KAT6B: variants seen among roughly 807,000 people sequenced by gnomAD.
KAT6B encodes the protein histone acetyltransferase KAT6B.
A neutral mutation model predicts 187.5 loss-of-function variants in KAT6B; 10 were observed. The observed-to-expected ratio is 0.05, with a 90% confidence interval of 0.03 to 0.09. The LOEUF is 0.09. Ranked by LOEUF, KAT6B falls within the 10% of genes least tolerant of loss-of-function variation. The pLI, the probability that KAT6B is intolerant of heterozygous loss-of-function variation, is 1.00. For synonymous variants in KAT6B, 861 were observed against 926.8 expected, an observed-to-expected ratio of 0.93 and a Z score of 1.29; for missense variants, 1,952 against 2,558.9, an observed-to-expected ratio of 0.76 and a Z score of 5.12.
chr10:74,940,033 G>A (rs1231508886), intron 3 of KAT6B, among the ~76,000 whole-genome samples: 7 of 152,124 alleles, frequency 4.6e-5, no homozygotes, highest in Non-Finnish European at 2.9e-5. Context: ...TTGTGTGTGT[G>A]TGTCGGGGCT....
chr10:74,880,328 G>A (rs1844756053), intron 3 of KAT6B, among the ~76,000 whole-genome samples: 1 of 152,198 alleles, frequency 6.6e-6, no homozygotes, highest in East Asian at 1.9e-4. Flanking sequence ...CCTATGGTAT[G>A]TGGCCTTTTT....
At chr10:74,856,063 A>G (rs1387668627) in intron 3 of KAT6B, among the ~76,000 whole-genome samples, 1 of 152,154 alleles carries the variant, frequency 6.6e-6, no homozygotes, top group African/African-American at 2.4e-5. Context: ...ATATTTCCCC[A>G]AATGGCCCCA....
intron 3 of KAT6B, among the ~76,000 whole-genome samples, chr10:74,947,838 A>T (rs1221858621): frequency 3.9e-5 from 6 of 152,176 alleles, no homozygotes; most frequent in Non-Finnish European, 7.3e-5. Flanking sequence ...ATTAGTATGC[A>T]GGGAGGGGCT....
chr10:75,005,832 C>T (rs763131999), intron 13 of KAT6B, among the ~76,000 whole-genome samples: 8 of 151,948 alleles, frequency 5.3e-5, no homozygotes, highest in Admixed American at 2.0e-4. Context: ...CATAGAGGAA[C>T]GCTTTTTTTC....
intron 3 of KAT6B, among the ~76,000 whole-genome samples, chr10:74,918,373 C>T (rs543047291): frequency 5.9e-5 from 9 of 152,290 alleles, no homozygotes; most frequent in South Asian, 2.1e-4. Flanking sequence ...CAAATGTTAA[C>T]TGCCTAGCAT....
chr10:74,863,463 TAG>T (rs1401154177), intron 3 of KAT6B, among the ~76,000 whole-genome samples: 1 of 152,240 alleles, frequency 6.6e-6, no homozygotes, highest in Non-Finnish European at 1.5e-5. Context: ...TCCCATAGAA[TAG>T]ATTACTAAAG....
intron 12 of KAT6B, among the ~76,000 whole-genome samples, chr10:74,985,909 G>A (rs1352977659): frequency 6.6e-6 from 1 of 152,120 alleles, no homozygotes; most frequent in African/African-American, 2.4e-5. Flanking sequence ...AGCTGGGCCT[G>A]GTGGTGCACG....
intron 13 of KAT6B, among the ~76,000 whole-genome samples, chr10:75,019,875 A>G (rs926458685): frequency 1.3e-5 from 2 of 151,896 alleles, no homozygotes; most frequent in African/African-American, 4.8e-5. Context: ...CTGAGCATAC[A>G]TGCAATAGGT....
rs1173365750 is a variant in KAT6B at position 74,977,351 on chromosome 10, G to A, written c.2029G>A (p.Ala677Thr). 2.5e-6 allele frequency: 4 copies of A among 1,613,404 alleles called. No homozygotes were observed. The highest frequency in any genetic ancestry group is 2.5e-6 in the Non-Finnish European group (3 of 1,179,534). The change falls in exon 9 of 18, where the codon GCA (alanine) becomes ACA (threonine). Residue 677 changes from alanine (A) to threonine (T), a missense_variant. Transcript: ENST00000287239. ...AAAAATAAACATCAAACAAGAAAGT[G>A]CAGATGTAAATGTGATTGGAAACAA... ...EIKINIKQESADVNVIGNKDV... is the reference protein window; with the variant it reads ...EIKINIKQESTDVNVIGNKDV...
At chr10:74,994,496 A>G (rs1408186155) in intron 13 of KAT6B, among the ~76,000 whole-genome samples, 4 of 152,130 alleles carry the variant, frequency 2.6e-5, no homozygotes, top group Non-Finnish European at 5.9e-5. Flanking sequence ...AGGAACCAGG[A>G]TCTGGGCTGG....
chr10:74,870,343 A>G (rs1247410725), intron 3 of KAT6B, among the ~76,000 whole-genome samples: 1 of 152,230 alleles, frequency 6.6e-6, no homozygotes, highest in Non-Finnish European at 1.5e-5. Flanking sequence ...TGAGACCTAT[A>G]TTGAAGGGCC....
chr10:74,833,185 T>G (rs1323283999), intron 1 of KAT6B, among the ~76,000 whole-genome samples: 1 of 151,498 alleles, frequency 6.6e-6, no homozygotes. Context: ...TAATACATTA[T>G]TCTCGGTCTT....
At chr10:74,903,303 T>C (rs1399815497) in intron 3 of KAT6B, among the ~76,000 whole-genome samples, 2 of 152,324 alleles carry the variant, frequency 1.3e-5, no homozygotes, top group African/African-American at 2.4e-5. Flanking sequence ...GTTTGAGATA[T>C]CACCCATGAT....
At chr10:74,871,377 G>A (rs1157021004) in intron 3 of KAT6B, among the ~76,000 whole-genome samples, 1 of 151,570 alleles carries the variant, frequency 6.6e-6, no homozygotes, top group Non-Finnish European at 1.5e-5. Flanking sequence ...ATTTTTAGTA[G>A]AGATGGGGTT....
At chr10:74,871,466 T>C (rs563428185) in intron 3 of KAT6B, among the ~76,000 whole-genome samples, 2 of 151,626 alleles carry the variant, frequency 1.3e-5, no homozygotes, top group East Asian at 3.9e-4. Context: ...GTGTTGGGAT[T>C]ACAGGCGTGA....
At chr10:74,926,423 C>T (rs11001205) in intron 3 of KAT6B, among the ~76,000 whole-genome samples, 12,320 of 152,296 alleles carry the variant, frequency 0.081, 665 homozygotes, top group South Asian at 0.27. Context: ...CACTGCACTC[C>T]AGCCTGGGCA....
intron 3 of KAT6B, among the ~76,000 whole-genome samples, chr10:74,847,890 A>C (rs1015658244): frequency 6.7e-6 from 1 of 149,460 alleles, no homozygotes; most frequent in African/African-American, 2.5e-5. Flanking sequence ...GTGTGTATCC[A>C]TGTTTTTCTT....
At position 75,025,108 on chromosome 10, in the gene KAT6B, A is replaced by G. The variant is rs1389778097; in HGVS notation, c.3523A>G (p.Thr1175Ala). Residue 1175 changes from threonine to alanine, a missense_variant, in exon 17 of 18, where the codon ACC becomes GCC. By Grantham distance (58) the Thr-to-Ala change is moderately conservative. Transcript: ENST00000287239. ...GAGGCCAATGCCACAGCTGGAGCCTACCTGTGAGATTGAAGTGGAGGAAGA... is the reference window on the plus strand; with the variant it reads ...GAGGCCAATGCCACAGCTGGAGCCTGCCTGTGAGATTGAAGTGGAGGAAGA... ...EERPMPQLEPTCEIEVEEDGR... is the reference protein window; with the variant it reads ...EERPMPQLEPACEIEVEEDGR... 17 of 1,614,112 alleles carry G rather than the reference A, an allele frequency of 1.1e-5. No homozygotes were observed. Among genetic ancestry groups the G allele is most frequent in the East Asian group, 2.2e-5 (1 of 44,900 alleles).
intron 13 of KAT6B, among the ~76,000 whole-genome samples, chr10:75,019,729 T>C (rs561735541): frequency 2.0e-5 from 3 of 152,258 alleles, no homozygotes; most frequent in African/African-American, 7.2e-5. Flanking sequence ...CCAGCTTTCA[T>C]TCATTACCTT....
Sources: gnomAD v4.1 joint callset for allele counts (sites outside exome capture counted in the v4.1 genomes callset) on GRCh38, gnomAD v4.1.1 for gene constraint, MANE v1.5 for transcripts, NCBI Gene and HGNC (gene_info 2026-07-23, HGNC 2026-07-21) for gene names.